ACER3: variants seen among roughly 807,000 people sequenced by gnomAD.
The protein encoded by ACER3 is alkaline ceramidase 3.
In ACER3, 16 loss-of-function variants were observed where a neutral mutation model predicts 48.9. The observed-to-expected ratio is 0.33, with a 90% confidence interval of 0.22 to 0.50. The LOEUF is 0.50. Among genes scored for constraint, ACER3 ranks in the 20% least tolerant of loss-of-function variants. The pLI, the probability that ACER3 is intolerant of heterozygous loss-of-function variation, is 0.98. For synonymous variants in ACER3, 109 were observed against 107.8 expected (o/e 1.01, Z -0.07); for missense variants, 227 against 326.0 (o/e 0.70, Z 2.34).
intron 7 of ACER3, among the ~76,000 whole-genome samples, chr11:77,003,278 T>C (rs1949070506): frequency 6.6e-6 from 1 of 152,212 alleles, no homozygotes; most frequent in Non-Finnish European, 1.5e-5. Context: ...TGATTTTGGG[T>C]GAACTGTGGT....
chr11:76,963,456 A>G (rs1015167895), intron 3 of ACER3, among the ~76,000 whole-genome samples: 2 of 128,772 alleles, frequency 1.6e-5, no homozygotes, highest in Non-Finnish European at 3.6e-5. Context: ...TCTTGAGACC[A>G]CAAGCTCGGA....
At chr11:76,900,081 T>C (rs1946041411) in intron 1 of ACER3, among the ~76,000 whole-genome samples, 1 of 152,230 alleles carries the variant, frequency 6.6e-6, no homozygotes, top group Non-Finnish European at 1.5e-5. Flanking sequence ...GTAATCCTAT[T>C]GCTTTGGGAA....
chr11:77,001,530 A>G (rs2135271367), intron 7 of ACER3, among the ~76,000 whole-genome samples: 1 of 152,316 alleles, frequency 6.6e-6, no homozygotes, highest in Admixed American at 6.5e-5. Flanking sequence ...TGCTGGGATT[A>G]CAGGTGTGAG....
chr11:76,999,365 T>A (rs974041844), intron 7 of ACER3, among the ~76,000 whole-genome samples: 8 of 137,210 alleles, frequency 5.8e-5, no homozygotes, highest in South Asian at 2.5e-4. Flanking sequence ...ATAAGTAGTA[T>A]GATTTGTGGG....
At chr11:76,959,604 G>A (rs997843894) in intron 3 of ACER3, among the ~76,000 whole-genome samples, 1 of 151,876 alleles carries the variant, frequency 6.6e-6, no homozygotes, top group Non-Finnish European at 1.5e-5. Flanking sequence ...CCAGGCTGGA[G>A]TGCAGTGGTG....
In ACER3 at chr11:76,991,958, C is replaced by T. The variant is rs183004430; in HGVS notation, c.438+1384C>T. 3.2e-4 allele frequency among the ~76,000 whole-genome samples: 49 copies of T among 151,904 alleles called. No individual in the cohort carries two copies. The East Asian group carries it at 8.5e-3, about 26-fold the overall frequency. ...AAAAAACAAAGTTGGCCAGGCACAGCGGCTTATGCCTATAATCTCAGTCCT... is the reference window on the plus strand; with the variant it reads ...AAAAAACAAAGTTGGCCAGGCACAGTGGCTTATGCCTATAATCTCAGTCCT... On this transcript the variant is annotated intron_variant, in intron 6 of 10. Transcript: ENST00000532485.
chr11:76,961,450 G>C (rs1400383948), intron 3 of ACER3, among the ~76,000 whole-genome samples: 1 of 151,716 alleles, frequency 6.6e-6, no homozygotes, highest in African/African-American at 2.4e-5. Context: ...TCTGGGAATG[G>C]GGAACTTCAA....
intron 1 of ACER3, among the ~76,000 whole-genome samples, chr11:76,874,933 T>C (rs1945331313): frequency 6.6e-6 from 1 of 152,156 alleles, no homozygotes; most frequent in Non-Finnish European, 1.5e-5. Context: ...CTTTTGCACA[T>C]GCTGTTGGCT....
chr11:76,882,359 T>C (rs1945551150), intron 1 of ACER3, among the ~76,000 whole-genome samples: 1 of 152,182 alleles, frequency 6.6e-6, no homozygotes. Context: ...TTGATTGACC[T>C]ATCTTTATGT....
chr11:76,921,203 C>T (rs1289474650), intron 1 of ACER3, among the ~76,000 whole-genome samples: 1 of 152,056 alleles, frequency 6.6e-6, no homozygotes, highest in Non-Finnish European at 1.5e-5. Flanking sequence ...AAAATCATTG[C>T]CTCTCCAAGG....
chr11:76,998,905 C>T (rs2135259932), intron 7 of ACER3, 84 bp downstream of exon 7: 2 of 1,064,840 alleles, frequency 1.9e-6, no homozygotes, highest in East Asian at 2.9e-5. Flanking sequence ...CAAAATAACA[C>T]ATAAAAGCTC....
chr11:76,862,479 G>A lies in ACER3; in HGVS notation c.103+1400G>A, dbSNP rs767731957. On this transcript the variant is annotated intron_variant, in intron 1 of 10. Coordinates refer to ENST00000532485, the MANE Select transcript of ACER3 (RefSeq NM_018367.7). ...GAACCCACATGTTGGCAAAGGAAGC[G>A]CTTTACCAGTTTGTTGTTAGATCAC... Among the ~76,000 whole-genome samples, 8 of 152,304 alleles carry A rather than the reference G, an allele frequency of 5.3e-5. No individual in the cohort carries two copies. In the East Asian group the frequency reaches 1.3e-3, roughly 26 times the overall value.
rs2135348546 is a variant in ACER3 at position 77,022,575 on chromosome 11, G to T, written c.*2248G>T. On this transcript the variant is annotated 3_prime_UTR_variant, in exon 11 of 11. Transcript: ENST00000532485. ...GTGCAGCATTTTATGGAAATCACTG[G>T]TGACCTATAGGATATTACTAAATTA... 1 of 152,208 alleles carries T rather than the reference G, an allele frequency of 6.6e-6. No homozygotes were observed. Among genetic ancestry groups the T allele is most frequent in the African/African-American group, 2.4e-5 (1 of 41,530 alleles). The allele number at this position is 152,208 out of a possible 1,614,324, so 9.4% of individuals were successfully genotyped here. A position where few individuals can be genotyped will look rare whatever the true frequency, so the allele number is the denominator to read the frequency against.
intron 8 of ACER3, 49 bp downstream of exon 8, chr11:77,015,166 T>A: frequency 9.7e-7 from 1 of 1,032,724 alleles, no homozygotes; most frequent in Non-Finnish European, 1.5e-6. Context: ...AGCATTTTAT[T>A]AAGTAGAGAA....
At chr11:76,903,627 A>G (rs1416038830) in intron 1 of ACER3, among the ~76,000 whole-genome samples, 4 of 152,124 alleles carry the variant, frequency 2.6e-5, no homozygotes, top group Non-Finnish European at 5.9e-5. Context: ...AATAGAGATC[A>G]TAAAAGACTG....
chr11:76,870,429 C>T (rs562396312), intron 1 of ACER3, among the ~76,000 whole-genome samples: 2 of 152,188 alleles, frequency 1.3e-5, no homozygotes, highest in East Asian at 1.9e-4. Context: ...CCACCATGCT[C>T]GGGTCACATT....
intron 2 of ACER3, among the ~76,000 whole-genome samples, chr11:76,935,403 G>C (rs1057510857): frequency 7.2e-5 from 11 of 152,108 alleles, no homozygotes; most frequent in Non-Finnish European, 1.5e-4. Flanking sequence ...ATTTTGCCTG[G>C]TAAACTGATT....
chr11:76,987,326 G>A (rs1948706963), intron 5 of ACER3, among the ~76,000 whole-genome samples: 1 of 152,180 alleles, frequency 6.6e-6, no homozygotes, highest in African/African-American at 2.4e-5. Context: ...AGTAGAGGGG[G>A]TGGAAGTAGA....
chr11:76,892,070 G>A (rs1945820929), intron 1 of ACER3, among the ~76,000 whole-genome samples: 1 of 152,044 alleles, frequency 6.6e-6, no homozygotes, highest in South Asian at 2.1e-4. Flanking sequence ...TTGTTAAAGG[G>A]ATATAACACA....
Sources: gnomAD v4.1 joint callset for allele counts (sites outside exome capture counted in the v4.1 genomes callset) on GRCh38, gnomAD v4.1.1 for gene constraint, MANE v1.5 for transcripts, NCBI Gene and HGNC (gene_info 2026-07-23, HGNC 2026-07-21) for gene names.